RBM46: variants seen among roughly 807,000 people sequenced by gnomAD.
The protein encoded by RBM46 is probable RNA-binding protein 46.
RBM46 carries 12 observed loss-of-function variants against 43.3 expected under a neutral mutation model. That is an observed-to-expected ratio of 0.28 (90% CI 0.18 to 0.45). The LOEUF (loss-of-function observed/expected upper bound fraction) is 0.45. RBM46 is among the 20% of genes least tolerant of loss of function. RBM46 has a pLI of 1.00. For synonymous variants in RBM46, 205 were observed against 207.6 expected (o/e 0.99, Z 0.11); for missense variants, 412 against 639.1 (o/e 0.64, Z 3.83).
At chr4:154,824,267 G>T (rs1230613081) in intron 4 of RBM46, among the ~76,000 whole-genome samples, 1 of 151,912 alleles carries the variant, frequency 6.6e-6, no homozygotes, top group Non-Finnish European at 1.5e-5. Context: ...TATCTTACTG[G>T]TGTGAATATA....
At chr4:154,787,626 T>C (rs1325654487) in intron 1 of RBM46, among the ~76,000 whole-genome samples, 1 of 152,196 alleles carries the variant, frequency 6.6e-6, no homozygotes, top group Non-Finnish European at 1.5e-5. Flanking sequence ...CTATTGTGAA[T>C]AGTGCCACAG....
At chr4:154,821,148 T>G (rs1418719155) in intron 4 of RBM46, among the ~76,000 whole-genome samples, 3 of 151,800 alleles carry the variant, frequency 2.0e-5, no homozygotes, top group Non-Finnish European at 4.4e-5. Flanking sequence ...ATTAATAAAA[T>G]CTGTTCTCAG....
chr4:154,828,811 CTATTA>C (rs906884383), exon 5 of RBM46: 9 of 152,422 alleles, frequency 5.9e-5, no homozygotes, highest in African/African-American at 2.2e-4. Context: ...TGTGATGCTT[CTATTA>C]TGTGTTTTCT....
intron 4 of RBM46, among the ~76,000 whole-genome samples, chr4:154,825,160 G>A (rs1735900332): frequency 1.3e-5 from 2 of 152,036 alleles, no homozygotes; most frequent in South Asian, 4.1e-4. Flanking sequence ...AGAAACAGTG[G>A]GATTGAAGAG....
intron 1 of RBM46, among the ~76,000 whole-genome samples, chr4:154,789,120 A>G (rs1170160338): frequency 2.6e-5 from 4 of 152,214 alleles, no homozygotes; most frequent in Non-Finnish European, 4.4e-5. Context: ...GTCATCTGCA[A>G]ACAGGGACAA....
chr4:154,802,128 C>T (rs942313882), intron 4 of RBM46, among the ~76,000 whole-genome samples: 3 of 152,144 alleles, frequency 2.0e-5, no homozygotes, highest in Non-Finnish European at 2.9e-5. Flanking sequence ...CGGTGGAGTA[C>T]GCAAAGCCTG....
At chr4:154,806,973 AC>A (rs1175621300) in intron 4 of RBM46, among the ~76,000 whole-genome samples, 5 of 151,744 alleles carry the variant, frequency 3.3e-5, no homozygotes, top group Non-Finnish European at 7.4e-5. Flanking sequence ...TTGATTCTTT[AC>A]CCTATAACTT....
At chr4:154,790,821 G>A (rs956552759) in intron 1 of RBM46, among the ~76,000 whole-genome samples, 4 of 152,158 alleles carry the variant, frequency 2.6e-5, no homozygotes, top group African/African-American at 7.2e-5. Context: ...AAGATCAGAC[G>A]GGAGGTAGGA....
chr4:154,808,870 A>G (rs1735041938), intron 4 of RBM46, among the ~76,000 whole-genome samples: 1 of 152,080 alleles, frequency 6.6e-6, no homozygotes, highest in African/African-American at 2.4e-5. Flanking sequence ...TGTATCAAGT[A>G]TAGAAATAGT....
At chr4:154,811,778 T>A (rs1361312306) in intron 4 of RBM46, among the ~76,000 whole-genome samples, 2 of 151,690 alleles carry the variant, frequency 1.3e-5, no homozygotes, top group Admixed American at 6.6e-5. Context: ...CCTCCCGGGT[T>A]CAAGTGATTC....
At chr4:154,791,012 T>G (rs894097262) in intron 1 of RBM46, among the ~76,000 whole-genome samples, 6 of 152,188 alleles carry the variant, frequency 3.9e-5, no homozygotes, top group Non-Finnish European at 5.9e-5. Context: ...GTTTTCAATT[T>G]TGGCCAACCA....
chr4:154,804,827 T>G (rs1734831813), intron 4 of RBM46, among the ~76,000 whole-genome samples: 1 of 151,584 alleles, frequency 6.6e-6, no homozygotes, highest in African/African-American at 2.4e-5. Context: ...TTTTTTTTTT[T>G]TTTTTTTTTA....
intron 4 of RBM46, among the ~76,000 whole-genome samples, chr4:154,800,970 A>G (rs1028791741): frequency 1.3e-5 from 2 of 148,778 alleles, no homozygotes; most frequent in African/African-American, 5.0e-5. Flanking sequence ...AGCCACTGCC[A>G]TAGTATTAGA....
At chr4:154,815,600 G>A (rs1053882031) in intron 4 of RBM46, among the ~76,000 whole-genome samples, 1 of 151,920 alleles carries the variant, frequency 6.6e-6, no homozygotes, top group African/African-American at 2.4e-5. Context: ...TTACGCTATT[G>A]TATTGGTGAA....
intron 1 of RBM46, among the ~76,000 whole-genome samples, chr4:154,783,517 TTGA>T (rs1733609057): frequency 6.6e-6 from 1 of 152,190 alleles, no homozygotes; most frequent in Admixed American, 6.5e-5. Flanking sequence ...TACCCGATGA[TTGA>T]TGAGGCAAGA....
At chr4:154,811,277 G>A (rs901065695) in intron 4 of RBM46, among the ~76,000 whole-genome samples, 1 of 152,152 alleles carries the variant, frequency 6.6e-6, no homozygotes, top group Admixed American at 6.5e-5. Flanking sequence ...GGAAAAAAGA[G>A]TATGGCATTT....
At chr4:154,818,922 ACTTC>A (rs1735594464) in intron 4 of RBM46, among the ~76,000 whole-genome samples, 1 of 152,018 alleles carries the variant, frequency 6.6e-6, no homozygotes, top group Non-Finnish European at 1.5e-5. Context: ...TGTGATTTCT[ACTTC>A]CTTCCAAAAA....
chr4:154,808,009 AAATAT>A (rs1470222848), intron 4 of RBM46, among the ~76,000 whole-genome samples: 1 of 152,000 alleles, frequency 6.6e-6, no homozygotes, highest in African/African-American at 2.4e-5. Flanking sequence ...TTGATTCAGT[AAATAT>A]AATCTTTGTA....
chr4:154,788,864 A>G (rs1201504840), intron 1 of RBM46, among the ~76,000 whole-genome samples: 1 of 152,146 alleles, frequency 6.6e-6, no homozygotes, highest in Admixed American at 6.5e-5. Context: ...TTCATTGAGC[A>G]GTGGTTTATA....
Sources: gnomAD v4.1 joint callset for allele counts (sites outside exome capture counted in the v4.1 genomes callset) on GRCh38, gnomAD v4.1.1 for gene constraint, MANE v1.5 for transcripts, NCBI Gene and HGNC (gene_info 2026-07-23, HGNC 2026-07-21) for gene names.